ZHX2: variants seen among roughly 807,000 people sequenced by gnomAD.
The protein encoded by ZHX2 is zinc fingers and homeoboxes protein 2.
ZHX2 carries 6 observed loss-of-function variants against 21.9 expected under a neutral mutation model. That is an observed-to-expected ratio of 0.27 (90% CI 0.15 to 0.54). The LOEUF is 0.54. ZHX2 is among the 20% of genes least tolerant of loss of function. ZHX2 has a pLI of 0.95. For missense variants in ZHX2, 908 were observed against 1,090.7 expected (o/e 0.83, Z 2.36); for synonymous variants, 434 against 437.1 (o/e 0.99, Z 0.09).
intron 1 of ZHX2, among the ~76,000 whole-genome samples, chr8:122,787,745 G>A (rs1410295116): frequency 2.0e-5 from 3 of 152,236 alleles, no homozygotes; most frequent in African/African-American, 7.2e-5. Flanking sequence ...AGGCAGAGAG[G>A]AAGAGGGTTA....
At chr8:122,808,034 C>A (rs1429211079) in intron 1 of ZHX2, among the ~76,000 whole-genome samples, 1 of 152,228 alleles carries the variant, frequency 6.6e-6, no homozygotes, top group Non-Finnish European at 1.5e-5. Flanking sequence ...TTAGTGCCTG[C>A]TTCTAACTCT....
In ZHX2 at chr8:122,953,228, T is replaced by C; in HGVS notation, c.1718T>C (p.Ile573Thr). Reference protein sequence around the residue: ...RVETKLSRREIDSWFSERRKL... With the variant: ...RVETKLSRRETDSWFSERRKL... ...GAGACCAAGCTGAGCAGGAGAGAGATCGACTCCTGGTTCTCGGAGAGGCGG... is the reference window on the plus strand; with the variant it reads ...GAGACCAAGCTGAGCAGGAGAGAGACCGACTCCTGGTTCTCGGAGAGGCGG... Residue 573 changes from isoleucine (I) to threonine (T), a missense_variant, in exon 3 of 4, where the codon ATC (isoleucine) becomes ACC (threonine). Transcript: ENST00000314393. The surrounding 1 kb of genome is among the most constrained non-coding windows in gnomAD (Gnocchi z 4.6). 1 of 1,613,608 alleles carries C rather than the reference T, an allele frequency of 6.2e-7. No homozygotes were observed. Among genetic ancestry groups the C allele is most frequent in the African/African-American group, 1.3e-5 (1 of 74,894 alleles).
At chr8:122,925,707 C>T (rs746774680) in intron 2 of ZHX2, among the ~76,000 whole-genome samples, 1 of 152,162 alleles carries the variant, frequency 6.6e-6, no homozygotes, top group Non-Finnish European at 1.5e-5. Flanking sequence ...GAGGGCAGAG[C>T]AGGTTCCGAA....
chr8:122,801,637 G>A (rs1321880545), intron 1 of ZHX2, among the ~76,000 whole-genome samples: 1 of 151,770 alleles, frequency 6.6e-6, no homozygotes, highest in Non-Finnish European at 1.5e-5. Context: ...TATGGTCCCA[G>A]CTACTTGGGA....
At chr8:122,859,687 G>C (rs985280975) in intron 1 of ZHX2, among the ~76,000 whole-genome samples, 1 of 152,124 alleles carries the variant, frequency 6.6e-6, no homozygotes, top group Non-Finnish European at 1.5e-5. Flanking sequence ...CCCTGACACA[G>C]GTGAGGAGCC....
At chr8:122,880,721 G>T (rs1358190102) in intron 2 of ZHX2, among the ~76,000 whole-genome samples, 1 of 117,110 alleles carries the variant, frequency 8.5e-6, no homozygotes, top group Non-Finnish European at 1.9e-5. Context: ...GTTGCAGTGA[G>T]CCAAGATCAT....
chr8:122,922,165 C>T (rs1036073387), intron 2 of ZHX2, among the ~76,000 whole-genome samples: 6 of 151,422 alleles, frequency 4.0e-5, no homozygotes, highest in African/African-American at 1.2e-4. Flanking sequence ...CCCCCACCAA[C>T]ACCTTCTTAT....
At chr8:122,894,737 G>A (rs1227082290) in intron 2 of ZHX2, among the ~76,000 whole-genome samples, 1 of 152,152 alleles carries the variant, frequency 6.6e-6, no homozygotes, top group East Asian at 1.9e-4. Flanking sequence ...CATGGCACAT[G>A]TATATATATG....
chr8:122,863,430 C>G (rs944357069), intron 1 of ZHX2, 47 bp from the exon 2 acceptor site: 1 of 152,642 alleles, frequency 6.6e-6, no homozygotes, highest in African/African-American at 2.4e-5. Flanking sequence ...AGATGGACAC[C>G]CAATTGCTCT....
Position 122,952,371 on chromosome 8 carries a change from G to T in ZHX2, c.861G>T (p.Pro287=). Residue 287 remains proline (P), a synonymous_variant, in exon 3 of 4, where the codon CCG becomes CCT. Coordinates refer to ENST00000314393, the MANE Select transcript of ZHX2 (RefSeq NM_014943.5). The surrounding 1 kb of genome is among the most constrained non-coding windows in gnomAD (Gnocchi z 6.9). ...MINSFNKFPY[P]TQAELSWLTA... is the part of the protein sequence containing the mutation. ...ACTCTTTCAACAAGTTTCCTTACCC[G>T]ACCCAGGCTGAGTTGTCCTGGCTGA... The T allele has an allele frequency of 6.2e-7, 1 of 1,614,040 alleles. No individual in the cohort carries two copies. The highest frequency in any genetic ancestry group is 1.6e-4 in the Middle Eastern group (1 of 6,062).
At chr8:122,808,065 G>A (rs1445530732) in intron 1 of ZHX2, among the ~76,000 whole-genome samples, 3 of 152,160 alleles carry the variant, frequency 2.0e-5, no homozygotes, top group Non-Finnish European at 4.4e-5. Context: ...GTCACCTTGG[G>A]CAGGTCACTT....
chr8:122,800,783 TGCAGAA>T (rs1483189521), intron 1 of ZHX2, among the ~76,000 whole-genome samples: 3 of 152,002 alleles, frequency 2.0e-5, no homozygotes, highest in Non-Finnish European at 4.4e-5. Flanking sequence ...AGAGAGAGGA[TGCAGAA>T]GCAGAAGCTA....
intron 1 of ZHX2, among the ~76,000 whole-genome samples, chr8:122,805,892 C>CT (rs775633183): frequency 5.9e-5 from 9 of 152,208 alleles, no homozygotes; most frequent in Non-Finnish European, 8.8e-5. Context: ...GTCCTTCTCT[C>CT]TTTCCCTCTT....
At chr8:122,888,624 A>C (rs575971149) in intron 2 of ZHX2, among the ~76,000 whole-genome samples, 10 of 152,258 alleles carry the variant, frequency 6.6e-5, no homozygotes, top group African/African-American at 2.4e-4. Context: ...CTGGGATTAC[A>C]GGTATACGCT....
intron 2 of ZHX2, among the ~76,000 whole-genome samples, chr8:122,941,573 T>G (rs1812844458): frequency 6.6e-6 from 1 of 152,180 alleles, no homozygotes; most frequent in African/African-American, 2.4e-5. Context: ...GTCCTCCAAA[T>G]TGTCTGTCAT....
intron 1 of ZHX2, among the ~76,000 whole-genome samples, chr8:122,825,139 G>A (rs140429986): frequency 3.9e-4 from 59 of 152,330 alleles, no homozygotes; most frequent in African/African-American, 1.3e-3. Context: ...TGCAAGTTCT[G>A]GAGATTGGAA....
At chr8:122,910,229 G>C (rs972999777) in intron 2 of ZHX2, among the ~76,000 whole-genome samples, 1 of 151,860 alleles carries the variant, frequency 6.6e-6, no homozygotes, top group Non-Finnish European at 1.5e-5. Context: ...CGGGCACATC[G>C]CATTACCTTA....
intron 2 of ZHX2, among the ~76,000 whole-genome samples, chr8:122,884,279 C>T (rs1275515535): frequency 6.6e-6 from 1 of 152,256 alleles, no homozygotes; most frequent in Non-Finnish European, 1.5e-5. Flanking sequence ...TCCTATATGG[C>T]TCCGTTCAGT....
chr8:122,826,851 G>C (rs2130657936), intron 1 of ZHX2, among the ~76,000 whole-genome samples: 1 of 152,272 alleles, frequency 6.6e-6, no homozygotes. Context: ...TGTGAGAGTA[G>C]AATTCAGAGT....
Sources: gnomAD v4.1 joint callset for allele counts (sites outside exome capture counted in the v4.1 genomes callset) on GRCh38, gnomAD v4.1.1 for gene constraint, Gnocchi (gnomAD v3.1) non-coding constraint, MANE v1.5 for transcripts, NCBI Gene and HGNC (gene_info 2026-07-23, HGNC 2026-07-21) for gene names.